SRBD1: variants seen among roughly 807,000 people sequenced by gnomAD.
SRBD1 encodes the protein S1 RNA binding domain 1.
Under a neutral mutation model 115.3 loss-of-function variants are expected in SRBD1, and 88 were observed. The observed-to-expected ratio is 0.76, with a 90% CI of 0.64 to 0.91. SRBD1 has a LOEUF of 0.91. Ranked by LOEUF, SRBD1 falls within the 40% of genes least tolerant of loss-of-function variation. The probability of loss-of-function intolerance (pLI) is 0.00; values close to 1 mark genes in which losing one functional copy is unlikely to be tolerated. For missense variants in SRBD1, 1,385 were observed against 1,177.4 expected (o/e 1.18, Z -2.58); for synonymous variants, 509 against 407.7 (o/e 1.25, Z -2.99).
intron 14 of SRBD1, among the ~76,000 whole-genome samples, chr2:45,515,062 G>A (rs1332658103): frequency 1.3e-5 from 2 of 152,102 alleles, no homozygotes; most frequent in Non-Finnish European, 2.9e-5. Flanking sequence ...AAGACACTTG[G>A]AAATTAATAC....
chr2:45,488,891 T>C (rs564864737), intron 14 of SRBD1, among the ~76,000 whole-genome samples: 8 of 152,188 alleles, frequency 5.3e-5, no homozygotes, highest in African/African-American at 1.4e-4. Flanking sequence ...CAGGATGTCA[T>C]CCGACTTCTT....
intron 14 of SRBD1, among the ~76,000 whole-genome samples, chr2:45,519,019 T>C (rs922054125): frequency 6.8e-6 from 1 of 146,642 alleles, no homozygotes; most frequent in Non-Finnish European, 1.5e-5. Flanking sequence ...TCTAGCAAAG[T>C]ATATTGAGAA....
chr2:45,399,077 GAAAA>G (rs60339334), intron 19 of SRBD1, among the ~76,000 whole-genome samples: 4 of 145,874 alleles, frequency 2.7e-5, no homozygotes, highest in Admixed American at 2.0e-4. Flanking sequence ...AAGAGAACCA[GAAAA>G]AAAAAAATCA....
rs536370433 is a variant in SRBD1, at chr2:45,482,355, A to G, written c.1967-5280T>C. Among the ~76,000 whole-genome samples the G allele has an allele frequency of 2.6e-5, 4 of 152,190 alleles. No individual in the cohort carries two copies. The East Asian group carries it at 7.7e-4, about 29-fold the overall frequency. ...ACCTAAGCAAGTCAAATGAAAAAAT[A>G]ACAGAACTAATAAGGTTCCAATTAG... On this transcript the variant is annotated intron_variant, in intron 15 of 20. Coordinates refer to ENST00000263736, the MANE Select transcript of SRBD1 (RefSeq NM_018079.5).
intron 16 of SRBD1, among the ~76,000 whole-genome samples, chr2:45,457,880 C>T (rs550636813): frequency 2.1e-4 from 32 of 152,064 alleles, no homozygotes; most frequent in African/African-American, 7.5e-4. Flanking sequence ...AGTACAAACA[C>T]AATGCAAATG....
intron 14 of SRBD1, among the ~76,000 whole-genome samples, chr2:45,502,976 C>T (rs1003778052): frequency 3.3e-5 from 5 of 152,204 alleles, no homozygotes; most frequent in East Asian, 1.9e-4. Flanking sequence ...TAAGCCACTG[C>T]GCCCAGCAAA....
chr2:45,562,163 TTTA>T (rs1207379025), intron 10 of SRBD1, among the ~76,000 whole-genome samples: 1 of 152,092 alleles, frequency 6.6e-6, no homozygotes, highest in Non-Finnish European at 1.5e-5. Context: ...ACATACTTAT[TTTA>T]TTATTTTTTT....
At chr2:45,498,394 C>T (rs919840077) in intron 14 of SRBD1, among the ~76,000 whole-genome samples, 5 of 152,056 alleles carry the variant, frequency 3.3e-5, no homozygotes, top group African/African-American at 1.2e-4. Flanking sequence ...TGTGTGTGCT[C>T]ATTTTAATTT....
intron 14 of SRBD1, among the ~76,000 whole-genome samples, chr2:45,500,254 G>C (rs1670587022): frequency 6.8e-6 from 1 of 146,462 alleles, no homozygotes; most frequent in Non-Finnish European, 1.5e-5. Context: ...GTGTGTGTTT[G>C]GTTAAATTTA....
chr2:45,555,145 G>A (rs1450762557), intron 10 of SRBD1, among the ~76,000 whole-genome samples: 1 of 152,160 alleles, frequency 6.6e-6, no homozygotes, highest in Non-Finnish European at 1.5e-5. Context: ...CCAGAGTATG[G>A]CCTTCCAGAG....
chr2:45,494,135 T>C (rs1670384968), intron 14 of SRBD1, among the ~76,000 whole-genome samples: 1 of 152,202 alleles, frequency 6.6e-6, no homozygotes, highest in South Asian at 2.1e-4. Context: ...GAATTATTAT[T>C]GTAAAATATT....
At chr2:45,562,832 G>T in intron 9 of SRBD1, 76 bp from the exon 10 acceptor site, 2 of 862,960 alleles carry the variant, frequency 2.3e-6, no homozygotes, top group Non-Finnish European at 3.5e-6. Context: ...GTAGCTGACA[G>T]CTATATGAAT....
chr2:45,401,380 T>G (rs1385209012), intron 19 of SRBD1, among the ~76,000 whole-genome samples: 1 of 152,210 alleles, frequency 6.6e-6, no homozygotes, highest in East Asian at 1.9e-4. Context: ...TATAAGGCAA[T>G]CTAATATTGT....
intron 15 of SRBD1, among the ~76,000 whole-genome samples, chr2:45,483,171 AC>A (rs1329639535): frequency 6.6e-6 from 1 of 152,100 alleles, no homozygotes; most frequent in African/African-American, 2.4e-5. Flanking sequence ...GTCTAGACAG[AC>A]CACTGAAACA....
chr2:45,454,683 C>T (rs1669100018), intron 16 of SRBD1, among the ~76,000 whole-genome samples: 2 of 151,970 alleles, frequency 1.3e-5, no homozygotes, highest in Admixed American at 1.3e-4. Flanking sequence ...CGATAGTCTG[C>T]TCTAAGTTCC....
At chr2:45,519,088 G>C (rs1004770290) in intron 14 of SRBD1, among the ~76,000 whole-genome samples, 1 of 151,534 alleles carries the variant, frequency 6.6e-6, no homozygotes, top group African/African-American at 2.4e-5. Context: ...GCTATTCTAG[G>C]AGTGACTATA....
chr2:45,480,409 C>T (rs1249398537), intron 15 of SRBD1, among the ~76,000 whole-genome samples: 1 of 152,050 alleles, frequency 6.6e-6, no homozygotes, highest in Non-Finnish European at 1.5e-5. Flanking sequence ...CAACATTAGC[C>T]AGAGTTTGGA....
intron 16 of SRBD1, among the ~76,000 whole-genome samples, chr2:45,474,897 G>A (rs148957490): frequency 3.3e-5 from 5 of 152,216 alleles, no homozygotes; most frequent in African/African-American, 1.2e-4. Context: ...GTCAACTCAT[G>A]GAATTAGGAG....
intron 4 of SRBD1, among the ~76,000 whole-genome samples, chr2:45,589,933 G>A: frequency 6.6e-6 from 1 of 152,170 alleles, no homozygotes; most frequent in East Asian, 1.9e-4. Flanking sequence ...TTCATACTCT[G>A]ACAGAAGTGT....
Sources: allele counts gnomAD v4.1 joint callset (sites outside exome capture counted in the v4.1 genomes callset), GRCh38; gene constraint gnomAD v4.1.1; transcripts MANE v1.5; gene names NCBI Gene and HGNC (gene_info 2026-07-23, HGNC 2026-07-21).